Variants in C14orf93 observed in about 807,000 individuals in gnomAD.
C14orf93 encodes the protein uncharacterized protein C14orf93.
In C14orf93, 23 loss-of-function variants were observed where a neutral mutation model predicts 44.0. The observed-to-expected ratio is 0.52, with a 90% CI of 0.38 to 0.74. The LOEUF is 0.74. Ranked by LOEUF, C14orf93 falls within the 30% of genes least tolerant of loss-of-function variation. The probability of loss-of-function intolerance (pLI) is 0.00; values close to 1 mark genes in which losing one functional copy is unlikely to be tolerated. For synonymous variants in C14orf93, 253 were observed against 265.7 expected, an observed-to-expected ratio of 0.95 and a Z score of 0.46; for missense variants, 579 against 678.9, an observed-to-expected ratio of 0.85 and a Z score of 1.64.
At chr14:23,007,314 C>T (rs1371990775) in intron 1 of C14orf93, among the ~76,000 whole-genome samples, 7 of 152,356 alleles carry the variant, frequency 4.6e-5, no homozygotes, top group African/African-American at 1.7e-4. Context: ...AGGGACAAGA[C>T]TGTGAGGCTT....
In C14orf93 at chr14:22,987,967, G is replaced by A; in HGVS notation, c.1133C>T (p.Ser378Phe). ...CTTCAGGCCTTTAAAGGGGTTCAGG[G>A]AGTTGCGGTACTCACGCCTCTTAGT... Reference protein sequence around the residue: ...FLTKRREYRNSLNPFKGLKEK... With the variant: ...FLTKRREYRNFLNPFKGLKEK... Residue 378 changes from serine to phenylalanine, a missense_variant, in exon 6 of 7, where the codon TCC becomes TTC. Ser to Phe is a radical substitution (Grantham distance 155, BLOSUM62 -2). Coordinates refer to ENST00000299088, the MANE Select transcript of C14orf93 (RefSeq NM_021944.4). This position sits in a 1 kb window ranked among gnomAD's most constrained non-coding sequence, Gnocchi z 5.6. The A allele has an allele frequency of 6.2e-7, 1 of 1,613,918 alleles. No individual in the cohort carries two copies. Among genetic ancestry groups the A allele is most frequent in the Non-Finnish European group, 8.5e-7 (1 of 1,179,904 alleles).
intron 3 of C14orf93, among the ~76,000 whole-genome samples, chr14:22,994,462 C>T (rs535213496): frequency 6.6e-6 from 1 of 152,024 alleles, no homozygotes; most frequent in East Asian, 1.9e-4. Flanking sequence ...GCTGAAATCA[C>T]GCCACTGCAC....
In C14orf93 at chr14:22,996,364, G is replaced by T. The variant is rs1173519360; in HGVS notation, c.598-96C>A. ...GGCTAAGAATAGTGAACAGAAAGTGGAAAGAAGGGGAACTCTAGCACAGTC... is the reference window on the plus strand; with the variant it reads ...GGCTAAGAATAGTGAACAGAAAGTGTAAAGAAGGGGAACTCTAGCACAGTC... On this transcript the variant is annotated intron_variant, in intron 2 of 6. Transcript: ENST00000299088. This position sits in a 1 kb window ranked among gnomAD's most constrained non-coding sequence, Gnocchi z 4.1. 1.1e-5 allele frequency: 13 copies of T among 1,226,908 alleles called. No individual in the cohort carries two copies. The highest frequency in any genetic ancestry group is 1.5e-5 in the Non-Finnish European group (13 of 895,434). 76.0% of individuals were successfully genotyped at this position (1,226,908 alleles called of 1,614,324 possible). A position where few individuals can be genotyped will look rare whatever the true frequency, so the allele number is the denominator to read the frequency against.
At position 22,985,922 on chromosome 14, in the gene C14orf93, C is replaced by T. The variant is rs1326993296; in HGVS notation, c.*1293G>A. The T allele has an allele frequency of 2.0e-5, 3 of 152,188 alleles. No individual in the cohort carries two copies. Among genetic ancestry groups the T allele is most frequent in the African/African-American group, 4.8e-5 (2 of 41,446 alleles). The allele number at this position is 152,188 out of a possible 1,614,324, so 9.4% of individuals were successfully genotyped here. A position where few individuals can be genotyped will look rare whatever the true frequency, so the allele number is the denominator to read the frequency against. On this transcript the variant is annotated 3_prime_UTR_variant, in exon 7 of 7. Coordinates refer to ENST00000299088, the MANE Select transcript of C14orf93 (RefSeq NM_021944.4). Reference sequence around the variant, plus strand: ...AGTTGGGGACTGCCTGTAGGCAAAACCTGTCGTTTTATTTCCCTGCTAAAA... The same window carrying T: ...AGTTGGGGACTGCCTGTAGGCAAAATCTGTCGTTTTATTTCCCTGCTAAAA...
Position 22,999,096 on chromosome 14 carries a change from G to A in C14orf93, c.-73C>T. 1 of 1,522,970 alleles carries A rather than the reference G, an allele frequency of 6.6e-7. No individual in the cohort carries two copies. Among genetic ancestry groups the A allele is most frequent in the Non-Finnish European group, 8.8e-7 (1 of 1,140,544 alleles). The allele number at this position is 1,522,970 out of a possible 1,614,324, so 94.3% of individuals were successfully genotyped here. A position where few individuals can be genotyped will look rare whatever the true frequency, so the allele number is the denominator to read the frequency against. On this transcript the variant is annotated 5_prime_UTR_variant, in exon 2 of 7. Coordinates refer to ENST00000299088, the MANE Select transcript of C14orf93 (RefSeq NM_021944.4). The stretch of plus-strand genomic sequence containing the variant: ...ACAGGTAGGAAGCATCAACTTCTCT[G>A]GACTCACTTTCCTTTCTCAATGAGG...
At chr14:23,009,307 G>T (rs2046773257) in intron 1 of C14orf93, among the ~76,000 whole-genome samples, 1 of 152,126 alleles carries the variant, frequency 6.6e-6, no homozygotes, top group Non-Finnish European at 1.5e-5. Context: ...AAAATATTTT[G>T]ATCACATTTG....
At chr14:23,007,270 C>G (rs80246558) in intron 1 of C14orf93, 1 of 152,208 alleles carries the variant, frequency 6.6e-6, no homozygotes, top group Non-Finnish European at 1.5e-5. Context: ...AACAGTCACT[C>G]AAAAAGTCAG....
intron 3 of C14orf93, chr14:22,994,127 G>A (rs1478225572): frequency 2.6e-5 from 4 of 152,232 alleles, no homozygotes; most frequent in African/African-American, 9.6e-5. Flanking sequence ...GGAGGCAGCA[G>A]GCACAAGTGG....
chr14:22,992,991 T>C (rs2045752961), intron 3 of C14orf93, among the ~76,000 whole-genome samples: 1 of 151,770 alleles, frequency 6.6e-6, no homozygotes, highest in Non-Finnish European at 1.5e-5. Flanking sequence ...GTGATTCTCC[T>C]ACCTCAGCCT....
intron 1 of C14orf93, chr14:23,005,746 T>C (rs979253203): frequency 2.6e-5 from 4 of 152,214 alleles, no homozygotes; most frequent in African/African-American, 9.6e-5. Context: ...AAAAATGTAC[T>C]TTCCAGTACT....
chr14:23,005,547 G>A (rs2046582490), intron 1 of C14orf93: 1 of 152,098 alleles, frequency 6.6e-6, no homozygotes, highest in Admixed American at 6.5e-5. Flanking sequence ...TCAAATGATG[G>A]CAACATGTTT....
intron 1 of C14orf93, chr14:23,002,744 G>T (rs2046376849): frequency 1.3e-5 from 2 of 151,908 alleles, no homozygotes. Context: ...TAAGAGGCGG[G>T]GTCTTGCTAT....
chr14:22,998,694 T>C lies in C14orf93; in HGVS notation c.330A>G (p.Glu110=), dbSNP rs1300158272. Residue 110 remains glutamate (E), a synonymous_variant, in exon 2 of 7, where the codon GAA becomes GAG. Transcript: ENST00000299088. ...AACTATGTGCCCGGCTTTCCCCATC[T>C]TCATCAGGGATGGACACTTTCCCTT... is the stretch of plus-strand genomic sequence containing the variant. ...LRQGKVSIPD[E]DGESRAHSSP... The C allele has an allele frequency of 1.2e-6, 2 of 1,614,130 alleles. No homozygotes were observed. The highest frequency in any genetic ancestry group is 1.7e-6 in the Non-Finnish European group (2 of 1,180,038).
intron 3 of C14orf93, among the ~76,000 whole-genome samples, chr14:22,995,417 C>T (rs142745558): frequency 2.6e-5 from 4 of 152,204 alleles, no homozygotes; most frequent in Non-Finnish European, 5.9e-5. Flanking sequence ...TGGTGGCTCA[C>T]GCCTGTAATC....
intron 1 of C14orf93, among the ~76,000 whole-genome samples, chr14:23,003,492 T>A (rs1431235007): frequency 1.3e-5 from 2 of 152,066 alleles, no homozygotes. Context: ...ATACCCCCAT[T>A]AAAGAAGGTG....
rs1264941418 is a variant in C14orf93 at position 22,998,419 on chromosome 14, A to G, written c.597+8T>C. 7.2e-6 allele frequency: 11 copies of G among 1,536,124 alleles called. No individual in the cohort carries two copies. The highest frequency in any genetic ancestry group is 2.3e-5 in the East Asian group (1 of 43,130). On this transcript the variant is annotated splice_region_variant and intron_variant, in intron 2 of 6. Coordinates refer to ENST00000299088, the MANE Select transcript of C14orf93 (RefSeq NM_021944.4). ...CTAGGAGGAATAGCCCTCTGCTGCC[A>G]TACTCACAGGATTGAGCAGGGGGGC...
chr14:23,008,906 C>T (rs1357277539), intron 1 of C14orf93, among the ~76,000 whole-genome samples: 1 of 152,208 alleles, frequency 6.6e-6, no homozygotes, highest in African/African-American at 2.4e-5. Flanking sequence ...TTACACTTGA[C>T]TGGATTTTTT....
intron 3 of C14orf93, among the ~76,000 whole-genome samples, chr14:22,995,398 G>T (rs1416280304): frequency 3.3e-5 from 5 of 152,208 alleles, no homozygotes; most frequent in Non-Finnish European, 7.3e-5. Context: ...ACACTAGGAA[G>T]GCTGGGCATG....
intron 3 of C14orf93, 80 bp downstream of exon 3, chr14:22,995,868 G>T: frequency 7.5e-7 from 1 of 1,331,694 alleles, no homozygotes; most frequent in Non-Finnish European, 1.0e-6. Context: ...CAATATGGGA[G>T]GCCTAAAATC....
Sources: allele counts gnomAD v4.1 joint callset (sites outside exome capture counted in the v4.1 genomes callset), GRCh38; gene constraint gnomAD v4.1.1; non-coding constraint Gnocchi (gnomAD v3.1); transcripts MANE v1.5; gene names NCBI Gene and HGNC (gene_info 2026-07-23, HGNC 2026-07-21).